Variants in PTPRD observed in about 807,000 individuals in gnomAD.
The protein encoded by PTPRD is receptor-type tyrosine-protein phosphatase delta.
Under a neutral mutation model 214.5 loss-of-function variants are expected in PTPRD, and 34 were observed. That is an observed-to-expected ratio of 0.16 (90% CI 0.12 to 0.21). The LOEUF is 0.21. Among genes scored for constraint, PTPRD ranks in the 10% least tolerant of loss-of-function variants. The probability of loss-of-function intolerance (pLI) is 1.00; values close to 1 mark genes in which losing one functional copy is unlikely to be tolerated. For synonymous variants in PTPRD, 1,128 were observed against 845.7 expected, an observed-to-expected ratio of 1.33 and a Z score of -5.79; for missense variants, 2,545 against 2,398.7, an observed-to-expected ratio of 1.06 and a Z score of -1.27.
At chr9:8,748,571 ACTT>A (rs1045708379) in intron 11 of PTPRD, among the ~76,000 whole-genome samples, 13 of 149,072 alleles carry the variant, frequency 8.7e-5, no homozygotes, top group Non-Finnish European at 1.8e-4. Context: ...AAATGCGCTT[ACTT>A]CTTCCCGTAA....
rs1564066917 is a variant in PTPRD, at chr9:8,525,109, T to C, written c.569-74A>G. ...TCTCAGTTCAGAAAGCTAAACCTCT[T>C]AACAATATGAAAAGCCCTGCAAAGC... On this transcript the variant is annotated intron_variant, in intron 17 of 45. Transcript: ENST00000381196. 6 of 1,282,206 alleles carry C rather than the reference T, an allele frequency of 4.7e-6. No individual in the cohort carries two copies. In the East Asian group the frequency reaches 1.2e-4, roughly 25 times the overall value. The allele number at this position is 1,282,206 out of a possible 1,614,324, so 79.4% of individuals were successfully genotyped here.
intron 3 of PTPRD, among the ~76,000 whole-genome samples, chr9:10,084,528 G>A (rs891265762): frequency 6.6e-6 from 1 of 151,808 alleles, no homozygotes; most frequent in Non-Finnish European, 1.5e-5. Context: ...ACATTATTCT[G>A]CATGAGTAGC....
intron 10 of PTPRD, among the ~76,000 whole-genome samples, chr9:9,147,133 G>C (rs923000779): frequency 6.6e-6 from 1 of 151,976 alleles, no homozygotes; most frequent in Admixed American, 6.6e-5. Flanking sequence ...TATATGATTT[G>C]ATCATATAAA....
chr9:10,586,785 CTTT>C (rs5896406), intron 2 of PTPRD, among the ~76,000 whole-genome samples: 5,282 of 143,814 alleles, frequency 0.037, 294 homozygotes, highest in African/African-American at 0.12. Context: ...TTATAGACAA[CTTT>C]TTTTTTTTTT....
At chr9:9,559,486 C>T (rs1194990524) in intron 8 of PTPRD, among the ~76,000 whole-genome samples, 1 of 152,206 alleles carries the variant, frequency 6.6e-6, no homozygotes, top group Non-Finnish European at 1.5e-5. Flanking sequence ...TAATAGGCAC[C>T]CCTGGTTAAC....
intron 5 of PTPRD, among the ~76,000 whole-genome samples, chr9:9,771,816 G>GGC (rs1213942929): frequency 1.3e-5 from 2 of 152,050 alleles, no homozygotes; most frequent in Non-Finnish European, 2.9e-5. Flanking sequence ...CTTTGTATCT[G>GGC]CTTAAACCAG....
At chr9:10,432,757 C>T (rs1322951263) in intron 2 of PTPRD, among the ~76,000 whole-genome samples, 4 of 152,076 alleles carry the variant, frequency 2.6e-5, no homozygotes, top group South Asian at 2.1e-4. Context: ...CTTTCACTAG[C>T]CTTCTATGCT....
chr9:8,375,770 C>T (rs539033102), intron 39 of PTPRD, among the ~76,000 whole-genome samples, 166 bp downstream of exon 39: 1 of 152,164 alleles, frequency 6.6e-6, no homozygotes, highest in East Asian at 1.9e-4. Context: ...GCATCTATGT[C>T]AAATCCATCC....
chr9:8,696,032 T>C (rs2097904361), intron 12 of PTPRD, among the ~76,000 whole-genome samples: 1 of 152,208 alleles, frequency 6.6e-6, no homozygotes, highest in Non-Finnish European at 1.5e-5. Flanking sequence ...AACTCCAGTA[T>C]GACACCTGAC....
intron 12 of PTPRD, among the ~76,000 whole-genome samples, chr9:8,706,038 G>C (rs185573292): frequency 6.6e-6 from 1 of 152,212 alleles, no homozygotes; most frequent in East Asian, 1.9e-4. Context: ...TTGTCGACCA[G>C]AAAAGTACAG....
At chr9:8,856,604 A>C (rs1241583313) in intron 11 of PTPRD, among the ~76,000 whole-genome samples, 4 of 152,200 alleles carry the variant, frequency 2.6e-5, no homozygotes, top group African/African-American at 4.8e-5. Context: ...CTTCCTAGAT[A>C]CTTAAGGTGC....
chr9:9,338,793 T>A (rs138309242), intron 9 of PTPRD, among the ~76,000 whole-genome samples: 1 of 152,254 alleles, frequency 6.6e-6, no homozygotes, highest in East Asian at 1.9e-4. Context: ...GCTGCAACCA[T>A]CAACCCATCA....
chr9:8,762,025 G>A (rs1213050736), intron 11 of PTPRD, among the ~76,000 whole-genome samples: 1 of 152,136 alleles, frequency 6.6e-6, no homozygotes, highest in Non-Finnish European at 1.5e-5. Flanking sequence ...CTACTGGTGG[G>A]AAAAGTGAGT....
chr9:9,685,803 C>G (rs551895897), intron 7 of PTPRD, among the ~76,000 whole-genome samples: 1 of 151,254 alleles, frequency 6.6e-6, no homozygotes, highest in South Asian at 2.1e-4. Flanking sequence ...GCCAAATATT[C>G]TATTTCTTTT....
chr9:10,585,640 G>A (rs2073643431), intron 2 of PTPRD, among the ~76,000 whole-genome samples: 1 of 151,990 alleles, frequency 6.6e-6, no homozygotes, highest in Admixed American at 6.6e-5. Flanking sequence ...ATATAGTGAA[G>A]GGGGAAATTT....
chr9:10,018,633 C>T (rs1384244183), intron 4 of PTPRD, among the ~76,000 whole-genome samples: 6 of 133,036 alleles, frequency 4.5e-5, no homozygotes, highest in South Asian at 2.9e-4. Context: ...CTGCAAGCTC[C>T]GCCTCCCGGG....
At chr9:9,628,831 T>C (rs2095500453) in intron 7 of PTPRD, among the ~76,000 whole-genome samples, 1 of 151,894 alleles carries the variant, frequency 6.6e-6, no homozygotes, top group Non-Finnish European at 1.5e-5. Flanking sequence ...TTGATGTACA[T>C]CAAATATATC....
At chr9:8,444,279 T>C (rs1350810115) in intron 34 of PTPRD, among the ~76,000 whole-genome samples, 4 of 152,116 alleles carry the variant, frequency 2.6e-5, no homozygotes, top group African/African-American at 7.2e-5. Context: ...CATTATCTGT[T>C]AAAAAGAAGA....
intron 7 of PTPRD, among the ~76,000 whole-genome samples, chr9:9,611,298 A>G (rs2094498869): frequency 6.6e-6 from 1 of 152,202 alleles, no homozygotes; most frequent in African/African-American, 2.4e-5. Context: ...AAATGATTTA[A>G]TATGTTTTTG....
Sources: allele counts gnomAD v4.1 joint callset (sites outside exome capture counted in the v4.1 genomes callset), GRCh38; gene constraint gnomAD v4.1.1; transcripts MANE v1.5; gene names NCBI Gene and HGNC (gene_info 2026-07-23, HGNC 2026-07-21).